The following TMEM94 variants were observed in gnomAD, a reference collection of about 807,000 sequenced individuals.
TMEM94 encodes the protein transmembrane protein 94.
TMEM94 carries 81 observed loss-of-function variants against 158.6 expected under a neutral mutation model. The observed-to-expected ratio is 0.51, with a 90% confidence interval of 0.43 to 0.61. TMEM94 has a LOEUF of 0.61. Among genes scored for constraint, TMEM94 ranks in the 20% least tolerant of loss-of-function variants. TMEM94 has a pLI of 0.00. For missense variants in TMEM94, 1,435 were observed against 1,762.0 expected (o/e 0.81, Z 3.32); for synonymous variants, 751 against 730.7 (o/e 1.03, Z -0.45).
intron 2 of TMEM94, among the ~76,000 whole-genome samples, chr17:75,484,413 T>C (rs1258845092): frequency 6.6e-6 from 1 of 151,896 alleles, no homozygotes; most frequent in Non-Finnish European, 1.5e-5. Context: ...GTTGTTGTTT[T>C]TTTGAGACAG....
intron 2 of TMEM94, among the ~76,000 whole-genome samples, chr17:75,474,714 G>T (rs947615271): frequency 2.0e-5 from 3 of 152,176 alleles, no homozygotes; most frequent in Admixed American, 2.0e-4. Context: ...GGCTTTGGAG[G>T]AGCTGGCATA....
At chr17:75,493,394 T>G in intron 16 of TMEM94, 97 bp from the exon 17 acceptor site, 3 of 1,244,400 alleles carry the variant, frequency 2.4e-6, no homozygotes, top group Non-Finnish European at 3.5e-6. Context: ...TGGCAGGGGC[T>G]CCTCAGCGCC....
At chr17:75,475,034 C>G (rs2050627297) in intron 2 of TMEM94, among the ~76,000 whole-genome samples, 1 of 152,146 alleles carries the variant, frequency 6.6e-6, no homozygotes, top group East Asian at 1.9e-4. Flanking sequence ...CTTTTTGGGG[C>G]CTGTCACATA....
chr17:75,486,115 A>G (rs1448798199), intron 4 of TMEM94, 117 bp downstream of exon 4: 9 of 1,446,236 alleles, frequency 6.2e-6, no homozygotes, highest in Non-Finnish European at 8.3e-6. Context: ...CCTGGGATGT[A>G]AGGGAACCTC....
chr17:75,495,415 C>T lies in TMEM94; in HGVS notation c.2844+16C>T, dbSNP rs200836304. The T allele has an allele frequency of 1.1e-4, 177 of 1,607,406 alleles. No homozygotes were observed. The African/African-American group carries it at 2.0e-3, about 18-fold the overall frequency. ...CTCCAACCGGGTACGATGGCAGGAT[C>T]TGTCTCACGTGTTCCTGTAGTGGTC... is the stretch of plus-strand genomic sequence containing the variant. On this transcript the variant is annotated intron_variant, in intron 21 of 31. Transcript: ENST00000314256. The surrounding 1 kb of genome is among the most constrained non-coding windows in gnomAD (Gnocchi z 5.6).
chr17:75,492,845 C>T lies in TMEM94; in HGVS notation c.1912+56C>T. 6.3e-7 allele frequency: 1 copy of T among 1,583,760 alleles called. No homozygotes were observed. Among genetic ancestry groups the T allele is most frequent in the Non-Finnish European group, 8.6e-7 (1 of 1,164,296 alleles). On this transcript the variant is annotated intron_variant, in intron 15 of 31. Coordinates refer to ENST00000314256, the MANE Select transcript of TMEM94 (RefSeq NM_014738.6). The surrounding 1 kb of genome is among the most constrained non-coding windows in gnomAD (Gnocchi z 4.4). ...CTGGACCCGCCTCCTAGAAGAGGCC[C>T]AGTACCAACTCCTCACGGGACTTAA...
chr17:75,468,201 C>T (rs562834453), intron 1 of TMEM94, among the ~76,000 whole-genome samples: 2 of 152,240 alleles, frequency 1.3e-5, no homozygotes, highest in African/African-American at 4.8e-5. Flanking sequence ...AAAGACCCTG[C>T]TACGGGTTTC....
At position 75,492,874 on chromosome 17, in the gene TMEM94, A is replaced by T; in HGVS notation, c.1913-55A>T. On this transcript the variant is annotated intron_variant, in intron 15 of 31. Coordinates refer to ENST00000314256, the MANE Select transcript of TMEM94 (RefSeq NM_014738.6). This position sits in a 1 kb window ranked among gnomAD's most constrained non-coding sequence, Gnocchi z 4.4. Reference sequence around the variant, plus strand: ...ACCAACTCCTCACGGGACTTAATGGACCTGGCAGGGTATTGCCAGGGCATG... The same window carrying T: ...ACCAACTCCTCACGGGACTTAATGGTCCTGGCAGGGTATTGCCAGGGCATG... 1 of 1,586,538 alleles carries T rather than the reference A, an allele frequency of 6.3e-7. No homozygotes were observed. The highest frequency in any genetic ancestry group is 8.6e-7 in the Non-Finnish European group (1 of 1,164,214).
At chr17:75,460,997 C>T (rs893621189) in intron 1 of TMEM94, among the ~76,000 whole-genome samples, 1 of 151,868 alleles carries the variant, frequency 6.6e-6, no homozygotes, top group Non-Finnish European at 1.5e-5. Flanking sequence ...CTCCCACCCC[C>T]GGCAACCATC....
In TMEM94 at chr17:75,498,127, C is replaced by T. The variant is rs369915590; in HGVS notation, c.3490-48C>T. 1.5e-4 allele frequency: 245 copies of T among 1,606,332 alleles called. No homozygotes were observed. Among genetic ancestry groups the T allele is most frequent in the African/African-American group, 2.1e-4 (16 of 74,812 alleles). The stretch of plus-strand genomic sequence containing the variant: ...AATACGTGGAAGAGCTAGGAGCAGC[C>T]GGCAGAGGGGCTGTGCGCCCCAGGA... On this transcript the variant is annotated intron_variant, in intron 27 of 31. Transcript: ENST00000314256. This position sits in a 1 kb window ranked among gnomAD's most constrained non-coding sequence, Gnocchi z 6.7.
chr17:75,459,183 C>G (rs138288926), intron 1 of TMEM94, among the ~76,000 whole-genome samples: 5 of 152,346 alleles, frequency 3.3e-5, no homozygotes, highest in Non-Finnish European at 5.9e-5. Flanking sequence ...TATGTTAGCT[C>G]TAACTTCCTT....
In TMEM94 at chr17:75,492,089, CT is replaced by C. The variant is rs1236761532; in HGVS notation, c.1596+190del. The C allele has an allele frequency of 2.6e-6, 2 of 774,618 alleles. No homozygotes were observed. Among genetic ancestry groups the C allele is most frequent in the South Asian group, 1.9e-5 (1 of 53,996 alleles). The allele number at this position is 774,618 out of a possible 1,614,324, so 48.0% of individuals were successfully genotyped here. ...GCTGCGAAGTAGGTGGAGCCTCCCC[CT>C]ACCCTTCCATTCTTGTAATCGCAAT... On this transcript the variant is annotated intron_variant, in intron 14 of 31. Coordinates refer to ENST00000314256, the MANE Select transcript of TMEM94 (RefSeq NM_014738.6). This position sits in a 1 kb window ranked among gnomAD's most constrained non-coding sequence, Gnocchi z 4.4.
chr17:75,496,391 T>C lies in TMEM94; in HGVS notation c.3163T>C (p.Ser1055Pro). Reference protein sequence around the residue: ...ASDGLSPLQLSGQLNSLPCSL... With the variant: ...ASDGLSPLQLPGQLNSLPCSL... ...GGATGGCCTTTCTCCCCTGCAGCTG[T>C]CAGGGCAGCTCAACAGCCTGCCCTG... Residue 1055 changes from serine (S) to proline (P), a missense_variant, in exon 24 of 32, where the codon TCA becomes CCA. By Grantham distance (74) the Ser-to-Pro change is moderately conservative. Around this residue, in one of 3 missense-constraint regions of TMEM94, gnomAD observed 335 missense variants for 409.1 expected, o/e 0.82. Transcript: ENST00000314256. The C allele has an allele frequency of 6.2e-7, 1 of 1,613,924 alleles. No homozygotes were observed. The highest frequency in any genetic ancestry group is 8.5e-7 in the Non-Finnish European group (1 of 1,180,014).
intron 18 of TMEM94, among the ~76,000 whole-genome samples, chr17:75,494,242 G>T (rs1420726075): frequency 1.3e-5 from 2 of 152,182 alleles, no homozygotes; most frequent in African/African-American, 4.8e-5. Context: ...TCAGACAGGA[G>T]ATCAGGTCTG....
chr17:75,494,510 T>C lies in TMEM94; in HGVS notation c.2408-117T>C. On this transcript the variant is annotated intron_variant, in intron 18 of 31. Transcript: ENST00000314256. ...TCGGCTCCTTCGTGTGTCTTGGCTG[T>C]GTGTGGTCCCCTGGGGCCCATATGC... 1.3e-5 allele frequency: 12 copies of C among 943,972 alleles called. No individual in the cohort carries two copies. The South Asian group carries it at 2.0e-4, about 16-fold the overall frequency. The allele number at this position is 943,972 out of a possible 1,614,324, so 58.5% of individuals were successfully genotyped here. A position where few individuals can be genotyped will look rare whatever the true frequency, so the allele number is the denominator to read the frequency against.
intron 2 of TMEM94, among the ~76,000 whole-genome samples, chr17:75,473,198 C>T (rs1346756859): frequency 1.3e-5 from 2 of 152,176 alleles, no homozygotes; most frequent in Non-Finnish European, 2.9e-5. Context: ...TCCAGGCTTC[C>T]TATGTCTCTG....
In TMEM94 at chr17:75,463,079, T is replaced by TACACAC. The variant is rs747265512; in HGVS notation, c.-107+6338_-107+6343dup. Among the ~76,000 whole-genome samples, 75 of 14,288 alleles carry TACACAC rather than the reference T, an allele frequency of 5.2e-3. 6 individuals are homozygous for TACACAC. Among genetic ancestry groups the TACACAC allele is most frequent in the East Asian group, 0.02 (5 of 244 alleles). 9.4% of individuals were successfully genotyped at this position (14,288 alleles called of 152,430 possible). Reference sequence around the variant, plus strand: ...ATATATATATATATATATATATATATACACACACACACACATATATATGTG... The same window carrying TACACAC: ...ATATATATATATATATATATATATATACACACACACACACACACACATATATATGTG... On this transcript the variant is annotated intron_variant, in intron 1 of 31. Coordinates refer to ENST00000314256, the MANE Select transcript of TMEM94 (RefSeq NM_014738.6).
chr17:75,491,796 G>A lies in TMEM94; in HGVS notation c.1492G>A (p.Glu498Lys), dbSNP rs375259994. The A allele has an allele frequency of 2.8e-5, 45 of 1,613,844 alleles. 1 individual carries two copies. The highest frequency in any genetic ancestry group is 7.7e-5 in the South Asian group (7 of 91,088). ...DWPGEAPKPP[E>K]PYSHHKAHGR... ...GCCTGGCGAGGCTCCCAAGCCCCCC[G>A]AGCCCTATTCACACCACAAAGCGCA... Residue 498 changes from glutamate to lysine, a missense_variant, in exon 14 of 32, where the codon GAG becomes AAG. This residue lies in a region of TMEM94 where 1,051 missense variants were observed against 1,254.4 expected (regional missense o/e 0.84). Coordinates refer to ENST00000314256, the MANE Select transcript of TMEM94 (RefSeq NM_014738.6). The surrounding 1 kb of genome is among the most constrained non-coding windows in gnomAD (Gnocchi z 5.1).
chr17:75,487,965 C>T lies in TMEM94; in HGVS notation c.443C>T (p.Pro148Leu), dbSNP rs771579229. ...ALRDGREIQW[P>L]SAMYPDLHMP... ...AGGGATGGCAGGGAGATCCAGTGGC[C>T]CAGTGCCATGTATCCAGACCTCCAC... is the stretch of plus-strand genomic sequence containing the variant. The change falls in exon 6 of 32, where the codon CCC becomes CTC. Residue 148 changes from proline to leucine, a missense_variant. Transcript: ENST00000314256. The surrounding 1 kb of genome is among the most constrained non-coding windows in gnomAD (Gnocchi z 4.6). The T allele has an allele frequency of 6.2e-7, 1 of 1,614,104 alleles. No individual in the cohort carries two copies. The highest frequency in any genetic ancestry group is 2.2e-5 in the East Asian group (1 of 44,884).
Sources: allele counts gnomAD v4.1 joint callset (sites outside exome capture counted in the v4.1 genomes callset), GRCh38; gene constraint gnomAD v4.1.1; regional missense constraint gnomAD v4.1.1; non-coding constraint Gnocchi (gnomAD v3.1); transcripts MANE v1.5; gene names NCBI Gene and HGNC (gene_info 2026-07-23, HGNC 2026-07-21).